The following IARS2 variants were observed in gnomAD, a reference collection of about 807,000 sequenced individuals.
The protein encoded by IARS2 is isoleucyl-tRNA synthetase 2, mitochondrial.
Under a neutral mutation model 126.3 loss-of-function variants are expected in IARS2, and 56 were observed. That is an observed-to-expected ratio of 0.44 (90% CI 0.36 to 0.55). The LOEUF (loss-of-function observed/expected upper bound fraction) is 0.55. IARS2 is among the 20% of genes least tolerant of loss of function. The pLI is 0.00. For synonymous variants in IARS2, 407 were observed against 441.1 expected (o/e 0.92, Z 0.97); for missense variants, 1,127 against 1,245.9 (o/e 0.90, Z 1.44).
chr1:220,123,574 C>T (rs905406582), intron 12 of IARS2, among the ~76,000 whole-genome samples: 18 of 152,180 alleles, frequency 1.2e-4, no homozygotes, highest in South Asian at 4.1e-4. Flanking sequence ...CCCGGGTTCA[C>T]GCCATTCTCC....
At chr1:220,132,202 A>G (rs1657284605) in intron 14 of IARS2, among the ~76,000 whole-genome samples, 1 of 152,118 alleles carries the variant, frequency 6.6e-6, no homozygotes, top group Non-Finnish European at 1.5e-5. Flanking sequence ...GGCTTTGTAC[A>G]GTGATTTAAG....
At chr1:220,123,009 G>A (rs1657078692) in intron 12 of IARS2, among the ~76,000 whole-genome samples, 1 of 149,900 alleles carries the variant, frequency 6.7e-6, no homozygotes, top group African/African-American at 2.4e-5. Flanking sequence ...AGTATGAACA[G>A]TGTTATCAAT....
intron 21 of IARS2, 100 bp downstream of exon 21, chr1:220,143,234 G>T (rs973771716): frequency 1.6e-4 from 115 of 714,888 alleles, no homozygotes; most frequent in Non-Finnish European, 2.4e-4. Flanking sequence ...ATAACATTGG[G>T]TTATGTGTAA....
intron 12 of IARS2, among the ~76,000 whole-genome samples, chr1:220,121,578 C>T (rs1392085734): frequency 1.3e-5 from 2 of 152,012 alleles, no homozygotes; most frequent in Non-Finnish European, 2.9e-5. Flanking sequence ...ATTGAATTTT[C>T]TGATATTTAG....
intron 10 of IARS2, among the ~76,000 whole-genome samples, chr1:220,108,040 A>G (rs959995387): frequency 1.3e-4 from 20 of 151,884 alleles, no homozygotes; most frequent in African/African-American, 4.8e-4. Flanking sequence ...ATGGGATTAC[A>G]GGCATACACC....
At chr1:220,113,330 AGGTGGTGCTACAGAGAGC>A (rs1656848992) in intron 11 of IARS2, among the ~76,000 whole-genome samples, 1 of 152,208 alleles carries the variant, frequency 6.6e-6, no homozygotes, top group Admixed American at 6.5e-5. Flanking sequence ...TTCTGCCAAT[AGGTGGTGCTACAGAGAGC>A]TTTGTGGGAG....
chr1:220,133,825 A>C (rs77037434), intron 14 of IARS2, among the ~76,000 whole-genome samples: 1 of 152,144 alleles, frequency 6.6e-6, no homozygotes, highest in Non-Finnish European at 1.5e-5. Flanking sequence ...ATTTTAGTAT[A>C]TATTTCCCCA....
chr1:220,140,246 A>G lies in IARS2; in HGVS notation c.2371A>G (p.Thr791Ala). ...KVVRLLRTFY[T>A]RELSNFYFSI... ...TGTTCGGCTGTTACGGACGTTTTAT[A>G]CCAGAGAGCTCTCTAACTTTTATTT... The change falls in exon 19 of 23, where the codon ACC becomes GCC. Residue 791 changes from threonine to alanine, a missense_variant. Physicochemically the swap from Thr to Ala is moderately conservative, Grantham distance 58 (BLOSUM62 0). Transcript: ENST00000366922. 1 of 1,611,760 alleles carries G rather than the reference A, an allele frequency of 6.2e-7. No homozygotes were observed. The highest frequency in any genetic ancestry group is 8.5e-7 in the Non-Finnish European group (1 of 1,177,916).
chr1:220,097,667 A>G (rs1656475694), intron 2 of IARS2, among the ~76,000 whole-genome samples: 1 of 151,628 alleles, frequency 6.6e-6, no homozygotes, highest in African/African-American at 2.4e-5. Context: ...CTGGCCCCCA[A>G]TAATTCTTAT....
intron 19 of IARS2, among the ~76,000 whole-genome samples, chr1:220,141,284 A>G (rs567937473): frequency 3.8e-4 from 58 of 152,308 alleles, no homozygotes; most frequent in African/African-American, 1.3e-3. Flanking sequence ...GTGCAATTAT[A>G]TGGTAACAGT....
At chr1:220,108,342 G>A (rs1403650178) in intron 10 of IARS2, among the ~76,000 whole-genome samples, 17 of 151,508 alleles carry the variant, frequency 1.1e-4, no homozygotes, top group African/African-American at 2.7e-4. Flanking sequence ...AATTACAGGC[G>A]TGAGCCCTCA....
At chr1:220,096,962 C>T (rs965700593) in intron 2 of IARS2, among the ~76,000 whole-genome samples, 5 of 151,788 alleles carry the variant, frequency 3.3e-5, no homozygotes, top group East Asian at 1.9e-4. Context: ...AGGAGAATGC[C>T]GTGAACCCGG....
chr1:220,097,365 C>CTT lies in IARS2; in HGVS notation c.390+1154_390+1155dup, dbSNP rs34660784. Reference sequence around the variant, plus strand: ...TTCTCTTTCCCAACAGTTCTTTTTTCTTTTTTTTTTTTTTTTGAGACAGAG... The same window carrying CTT: ...TTCTCTTTCCCAACAGTTCTTTTTTCTTTTTTTTTTTTTTTTTTGAGACAGAG... On this transcript the variant is annotated intron_variant, in intron 2 of 22. Transcript: ENST00000366922. Among the ~76,000 whole-genome samples, 624 of 134,474 alleles carry CTT rather than the reference C, an allele frequency of 4.6e-3. 11 individuals carry two copies. The highest frequency in any genetic ancestry group is 9.1e-3 in the African/African-American group (323 of 35,634). 88.2% of individuals were successfully genotyped at this position (134,474 alleles called of 152,430 possible).
At chr1:220,111,576 G>GTATATATA (rs148565915) in intron 11 of IARS2, among the ~76,000 whole-genome samples, 38 of 139,556 alleles carry the variant, frequency 2.7e-4, no homozygotes, top group African/African-American at 8.1e-4. Flanking sequence ...TTCTATATGG[G>GTATATATA]TATATATATA....
rs1485138071 is a variant in IARS2 at position 220,137,909 on chromosome 1, A to C, written c.2050-9A>C. 1 of 1,613,308 alleles carries C rather than the reference A, an allele frequency of 6.2e-7. No homozygotes were observed. Reference sequence around the variant, plus strand: ...CATTGTGTTTATATATTTTTTTCTCAATGAAAAGGATCAAAGCAAAGAGCC... The same window carrying C: ...CATTGTGTTTATATATTTTTTTCTCCATGAAAAGGATCAAAGCAAAGAGCC... On this transcript the variant is annotated splice_polypyrimidine_tract_variant and intron_variant, in intron 16 of 22. Coordinates refer to ENST00000366922, the MANE Select transcript of IARS2 (RefSeq NM_018060.4).
intron 18 of IARS2, 46 bp from the exon 19 acceptor site, chr1:220,140,133 TTTCA>T (rs763851610): frequency 3.2e-5 from 34 of 1,073,346 alleles, no homozygotes; most frequent in Non-Finnish European, 4.5e-5. Flanking sequence ...TGACTTACAT[TTTCA>T]TTTGCCTGTC....
intron 2 of IARS2, among the ~76,000 whole-genome samples, 189 bp downstream of exon 2, chr1:220,096,415 A>C (rs924653940): frequency 3.3e-5 from 5 of 152,182 alleles, no homozygotes; most frequent in Non-Finnish European, 7.4e-5. Flanking sequence ...CTTTGAGCTT[A>C]ACGTTATATT....
chr1:220,096,210 G>A lies in IARS2; in HGVS notation c.374G>A (p.Gly125Glu). Residue 125 changes from glycine (G) to glutamate (E), a missense_variant, in exon 2 of 23, where the codon GGA (glycine) becomes GAA (glutamate). By Grantham distance (98) the Gly-to-Glu change is moderately conservative. Transcript: ENST00000366922. The part of the protein sequence containing the change: ...PPYANGDPHV[G>E]HALNKILKDI... The stretch of plus-strand genomic sequence containing the variant: ...TATGCAAACGGTGACCCTCATGTTG[G>A]ACATGCTTTAAATAAGGTAACTATA... 6.3e-7 allele frequency: 1 copy of A among 1,579,970 alleles called. No homozygotes were observed.
intron 17 of IARS2, 64 bp from the exon 18 acceptor site, chr1:220,138,944 T>A (rs1374901663): frequency 1.4e-6 from 2 of 1,429,690 alleles, no homozygotes; most frequent in Non-Finnish European, 1.9e-6. Flanking sequence ...AAAATAACTT[T>A]TCAGTGAAAA....
Sources: allele counts gnomAD v4.1 joint callset (sites outside exome capture counted in the v4.1 genomes callset), GRCh38; gene constraint gnomAD v4.1.1; transcripts MANE v1.5; gene names NCBI Gene and HGNC (gene_info 2026-07-23, HGNC 2026-07-21).